The following SCARA5 variants were observed in gnomAD, a reference collection of about 807,000 sequenced individuals.
SCARA5 encodes the protein scavenger receptor class A, member 5 (putative).
Under a neutral mutation model 46.3 loss-of-function variants are expected in SCARA5, and 45 were observed. The ratio of observed to expected loss-of-function variants is 0.97; its 90% CI spans 0.76 to 1.24. The LOEUF (loss-of-function observed/expected upper bound fraction) is 1.24. Ranked by LOEUF, SCARA5 falls within the 50% of genes most tolerant of loss-of-function variation. The probability of loss-of-function intolerance (pLI) is 0.00; values close to 1 mark genes in which losing one functional copy is unlikely to be tolerated. For synonymous variants in SCARA5, 333 were observed against 306.5 expected, an observed-to-expected ratio of 1.09 and a Z score of -0.90; for missense variants, 680 against 689.0, an observed-to-expected ratio of 0.99 and a Z score of 0.15.
intron 6 of SCARA5, 138 bp downstream of exon 6, chr8:27,907,010 C>T (rs943913598): frequency 1.8e-6 from 1 of 548,206 alleles, no homozygotes; most frequent in South Asian, 3.6e-5. Flanking sequence ...AATGCTTTAA[C>T]AAGATGAAGA....
intron 2 of SCARA5, among the ~76,000 whole-genome samples, chr8:27,971,849 T>A (rs1341794319): frequency 6.6e-6 from 1 of 151,956 alleles, no homozygotes; most frequent in African/African-American, 2.4e-5. Context: ...AGATGGTTTC[T>A]CCTCTGTAGG....
chr8:27,896,437 G>T (rs1204492037), intron 7 of SCARA5, among the ~76,000 whole-genome samples: 1 of 152,182 alleles, frequency 6.6e-6, no homozygotes, highest in African/African-American at 2.4e-5. Flanking sequence ...GGTCAGGACT[G>T]TCTTGAGAAC....
intron 4 of SCARA5, among the ~76,000 whole-genome samples, chr8:27,920,638 A>AAAACAAAAAAAC (rs1299274720): frequency 6.6e-6 from 1 of 151,082 alleles, no homozygotes; most frequent in Non-Finnish European, 1.5e-5. Flanking sequence ...AAAACAAAAC[A>AAAACAAAAAAAC]AAACAAAAAA....
chr8:27,874,989 C>T (rs1806699442), intron 8 of SCARA5, among the ~76,000 whole-genome samples: 2 of 152,210 alleles, frequency 1.3e-5, no homozygotes, highest in Admixed American at 6.5e-5. Context: ...TGGCTTCCCC[C>T]ATGCAAACAG....
At chr8:27,894,948 G>A (rs1390597311) in intron 7 of SCARA5, among the ~76,000 whole-genome samples, 1 of 152,142 alleles carries the variant, frequency 6.6e-6, no homozygotes, top group African/African-American at 2.4e-5. Context: ...TCTGAGAACG[G>A]AGCTGGTCAC....
intron 2 of SCARA5, among the ~76,000 whole-genome samples, chr8:27,968,012 A>G (rs751566314): frequency 4.6e-5 from 7 of 152,128 alleles, no homozygotes; most frequent in Non-Finnish European, 1.0e-4. Flanking sequence ...ATATTTAGAA[A>G]ACATCCTGAA....
At chr8:27,872,352 G>A (rs998184324) in intron 8 of SCARA5, among the ~76,000 whole-genome samples, 1 of 152,220 alleles carries the variant, frequency 6.6e-6, no homozygotes, top group Non-Finnish European at 1.5e-5. Flanking sequence ...GCAGCGTCAG[G>A]ACTGGCTATT....
Position 27,909,831 on chromosome 8 carries a change from TGA to T in SCARA5, c.917-90_917-89del, listed in dbSNP as rs1807344094. 5.8e-5 allele frequency: 47 copies of T among 815,810 alleles called. No individual in the cohort carries two copies. In the South Asian group the frequency reaches 8.1e-4, roughly 14 times the overall value. 50.5% of individuals were successfully genotyped at this position (815,810 alleles called of 1,614,324 possible). A position where few individuals can be genotyped will look rare whatever the true frequency, so the allele number is the denominator to read the frequency against. The stretch of plus-strand genomic sequence containing the variant: ...TGTAGAGGAAACAAAACGCCCTCTC[TGA>T]GGAGAGGAAGGGGCAGCATTAGCTT... On this transcript the variant is annotated intron_variant, in intron 4 of 8. Transcript: ENST00000354914.
At chr8:27,940,760 G>GTCCGTCCATCCA (rs1554573614) in intron 3 of SCARA5, among the ~76,000 whole-genome samples, 1 of 128,278 alleles carries the variant, frequency 7.8e-6, no homozygotes, top group Non-Finnish European at 1.6e-5. Context: ...CCAACCATCT[G>GTCCGTCCATCCA]TCCATCCATC....
At chr8:27,898,080 C>T (rs1321006616) in intron 7 of SCARA5, among the ~76,000 whole-genome samples, 1 of 152,220 alleles carries the variant, frequency 6.6e-6, no homozygotes, top group African/African-American at 2.4e-5. Flanking sequence ...AGTAATACAA[C>T]GAGCTCAGCT....
At chr8:27,976,957 C>G (rs1056741678) in intron 2 of SCARA5, among the ~76,000 whole-genome samples, 1 of 152,218 alleles carries the variant, frequency 6.6e-6, no homozygotes, top group African/African-American at 2.4e-5. Flanking sequence ...AGCCAGCCCC[C>G]CTGCCTTAGT....
chr8:27,976,518 T>C (rs1239156700), intron 2 of SCARA5, among the ~76,000 whole-genome samples: 1 of 152,166 alleles, frequency 6.6e-6, no homozygotes, highest in Non-Finnish European at 1.5e-5. Context: ...CCACTCCTCT[T>C]TCTGGGATGC....
At chr8:27,975,873 C>G (rs895105465) in intron 2 of SCARA5, among the ~76,000 whole-genome samples, 2 of 152,086 alleles carry the variant, frequency 1.3e-5, no homozygotes, top group African/African-American at 4.8e-5. Context: ...CTTCTAAGTA[C>G]AGGAGAGCAC....
intron 2 of SCARA5, among the ~76,000 whole-genome samples, chr8:27,981,168 T>G (rs1426025035): frequency 1.3e-5 from 2 of 152,210 alleles, no homozygotes; most frequent in African/African-American, 4.8e-5. Context: ...TATTCTCACT[T>G]TGCAGACAAG....
chr8:27,891,486 G>A (rs1394410446), intron 7 of SCARA5, among the ~76,000 whole-genome samples: 1 of 152,196 alleles, frequency 6.6e-6, no homozygotes, highest in Non-Finnish European at 1.5e-5. Context: ...TTACAGGCGT[G>A]AGACACTGCG....
chr8:27,948,292 G>T (rs1177154679), intron 3 of SCARA5, among the ~76,000 whole-genome samples: 1 of 152,120 alleles, frequency 6.6e-6, no homozygotes, highest in Non-Finnish European at 1.5e-5. Context: ...GCTGCTCCAG[G>T]CAAGCAATTA....
At position 27,879,682 on chromosome 8, in the gene SCARA5, C is replaced by A; in HGVS notation, c.1238G>T (p.Arg413Leu). The A allele has an allele frequency of 2.5e-6, 4 of 1,612,946 alleles. No homozygotes were observed. Among genetic ancestry groups the A allele is most frequent in the Non-Finnish European group, 3.4e-6 (4 of 1,180,018 alleles). Residue 413 changes from arginine (R) to leucine (L), a missense_variant, in exon 8 of 9, where the codon CGT becomes CTT. Physicochemically the swap from Arg to Leu is moderately radical, Grantham distance 102. Around this residue, in one of 3 missense-constraint regions of SCARA5, gnomAD observed 219 missense variants for 269.5 expected, o/e 0.81. Coordinates refer to ENST00000354914, the MANE Select transcript of SCARA5 (RefSeq NM_173833.6). ...EGRVEVYHDR[R>L]WGTVCDDGWD... ...GCCGTCGTCACACACGGTGCCCCAACGCCGGTCGTGGTACACTTCCACGCG... is the reference window on the plus strand; with the variant it reads ...GCCGTCGTCACACACGGTGCCCCAAAGCCGGTCGTGGTACACTTCCACGCG...
chr8:27,917,147 T>A (rs768759031), intron 4 of SCARA5, among the ~76,000 whole-genome samples: 3 of 152,196 alleles, frequency 2.0e-5, no homozygotes, highest in Non-Finnish European at 4.4e-5. Context: ...TGTCCCAGTC[T>A]ATGGCATTTT....
intron 3 of SCARA5, among the ~76,000 whole-genome samples, chr8:27,953,044 C>G (rs1045952093): frequency 3.3e-5 from 5 of 152,222 alleles, no homozygotes; most frequent in African/African-American, 1.2e-4. Context: ...GCCAGAGAGG[C>G]CTGCCCTGCA....
Sources: allele counts gnomAD v4.1 joint callset (sites outside exome capture counted in the v4.1 genomes callset), GRCh38; gene constraint gnomAD v4.1.1; regional missense constraint gnomAD v4.1.1; transcripts MANE v1.5; gene names NCBI Gene and HGNC (gene_info 2026-07-23, HGNC 2026-07-21).